The following EML6 variants were observed in gnomAD, a reference collection of about 807,000 sequenced individuals.
The protein encoded by EML6 is echinoderm microtubule-associated protein-like 6.
EML6 carries 154 observed loss-of-function variants against 240.1 expected under a neutral mutation model. The observed-to-expected ratio is 0.64, with a 90% CI of 0.56 to 0.73. EML6 has a LOEUF of 0.73. Among genes scored for constraint, EML6 ranks in the 30% least tolerant of loss-of-function variants. EML6 has a pLI of 0.00. For missense variants in EML6, 2,964 were observed against 2,474.6 expected (o/e 1.20, Z -4.20); for synonymous variants, 1,148 against 899.0 (o/e 1.28, Z -4.95).
intron 28 of EML6, among the ~76,000 whole-genome samples, chr2:54,946,526 A>C (rs756156693): frequency 7.2e-5 from 11 of 152,184 alleles, no homozygotes; most frequent in Non-Finnish European, 1.3e-4. Context: ...GAAAACTGTT[A>C]AACCTCCAGT....
intron 24 of EML6, among the ~76,000 whole-genome samples, chr2:54,905,782 A>T (rs13408207): frequency 1.3e-5 from 2 of 152,046 alleles, no homozygotes; most frequent in Non-Finnish European, 2.9e-5. Flanking sequence ...GGAAGCATAC[A>T]GTATTTGTCT....
chr2:54,969,292 C>G (rs1247974114), intron 41 of EML6, among the ~76,000 whole-genome samples: 1 of 152,176 alleles, frequency 6.6e-6, no homozygotes, highest in African/African-American at 2.4e-5. Flanking sequence ...ATACTGGGTT[C>G]TATTCAGCCC....
intron 32 of EML6, among the ~76,000 whole-genome samples, chr2:54,956,724 G>A (rs1221832650): frequency 1.3e-5 from 2 of 152,060 alleles, no homozygotes; most frequent in Non-Finnish European, 2.9e-5. Flanking sequence ...CACCATCATG[G>A]TACTAGAAAG....
In EML6 at chr2:54,853,753, A is replaced by G; in HGVS notation, c.1555A>G (p.Thr519Ala). 6.4e-7 allele frequency: 1 copy of G among 1,551,700 alleles called. No homozygotes were observed. The highest frequency in any genetic ancestry group is 1.2e-5 in the South Asian group (1 of 84,064). ...SGIWPKYTEV[T>A]DINSVDANYN... The stretch of plus-strand genomic sequence containing the variant: ...AATTTGGCCCAAATACACTGAGGTT[A>G]CTGACATCAACTCAGTGGATGCGAA... The change falls in exon 11 of 42, where the codon ACT becomes GCT. Residue 519 changes from threonine to alanine, a missense_variant. Transcript: ENST00000356458.
intron 17 of EML6, chr2:54,882,954 T>G (rs1193444911): frequency 2.0e-5 from 3 of 151,156 alleles, no homozygotes; most frequent in African/African-American, 7.3e-5. Flanking sequence ...ATTAGCTTCA[T>G]CGCTTGATCT....
At chr2:54,962,812 G>T (rs188779088) in intron 36 of EML6, 101 bp downstream of exon 36, 14 of 950,864 alleles carry the variant, frequency 1.5e-5, no homozygotes, top group Non-Finnish European at 1.9e-5. Context: ...CAGAGACGGG[G>T]ATGGGGCCAG....
In EML6 at chr2:54,911,024, TATA is replaced by T. The variant is rs1441515545; in HGVS notation, c.3485_3487del (p.Ile1162del). On this transcript the variant is annotated inframe_deletion, in exon 25 of 42. Coordinates refer to ENST00000356458, the MANE Select transcript of EML6 (RefSeq NM_001039753.4). ...TTGAAGCTCCAAGAGGCAAACGGCA[TATA>T]ATAAGACCTTCAGAGGTAATAATCA... 3 of 1,528,474 alleles carry T rather than the reference TATA, an allele frequency of 2.0e-6. No individual in the cohort carries two copies. Among genetic ancestry groups the T allele is most frequent in the African/African-American group, 2.7e-5 (2 of 72,832 alleles). The allele number at this position is 1,528,474 out of a possible 1,614,324, so 94.7% of individuals were successfully genotyped here. A position where few individuals can be genotyped will look rare whatever the true frequency, so the allele number is the denominator to read the frequency against.
Position 54,859,514 on chromosome 2 carries a change from C to T in EML6, c.1658-20C>T, listed in dbSNP as rs745614389. On this transcript the variant is annotated intron_variant, in intron 11 of 41. Transcript: ENST00000356458. The stretch of plus-strand genomic sequence containing the variant: ...CTCTTCTTTTTTCATAACTAATCCT[C>T]TCAAAAAATATTCTTTCAGGAGCCA... The T allele has an allele frequency of 6.5e-6, 10 of 1,544,646 alleles. No individual in the cohort carries two copies. Among genetic ancestry groups the T allele is most frequent in the Non-Finnish European group, 5.2e-6 (6 of 1,142,950 alleles).
At chr2:54,961,187 T>TTTTTTTTTTTTTTTTTTG (rs1676489117) in intron 35 of EML6, among the ~76,000 whole-genome samples, 1 of 5,318 alleles carries the variant, frequency 1.9e-4, no homozygotes, top group Non-Finnish European at 3.9e-4. Context: ...GGAAGTAGTT[T>TTTTTTTTTTTTTTTTTTG]TTTTTTTTTT....
Position 54,725,026 on chromosome 2 carries a change from C to CGCGGGGGG in EML6, c.-27_-20dup. ...AGCCTCGGCGAGGACGGCCCCGGCG[C>CGCGGGGGG]GCGGGGGGGCGGGGGGCGCGCGGGG... On this transcript the variant is annotated 5_prime_UTR_variant, in exon 2 of 42. Coordinates refer to ENST00000356458, the MANE Select transcript of EML6 (RefSeq NM_001039753.4). This position sits in a 1 kb window ranked among gnomAD's most constrained non-coding sequence, Gnocchi z 4.3. 6.8e-7 allele frequency: 1 copy of CGCGGGGGG among 1,466,970 alleles called. No individual in the cohort carries two copies. The highest frequency in any genetic ancestry group is 9.0e-7 in the Non-Finnish European group (1 of 1,109,964). The allele number at this position is 1,466,970 out of a possible 1,614,324, so 90.9% of individuals were successfully genotyped here. A position where few individuals can be genotyped will look rare whatever the true frequency, so the allele number is the denominator to read the frequency against.
At chr2:54,829,706 T>A (rs1668772994) in intron 7 of EML6, among the ~76,000 whole-genome samples, 1 of 152,236 alleles carries the variant, frequency 6.6e-6, no homozygotes, top group Non-Finnish European at 1.5e-5. Flanking sequence ...CTGATGAAGT[T>A]GCTGAGGTTT....
At chr2:54,800,728 C>T (rs1396834817) in intron 2 of EML6, among the ~76,000 whole-genome samples, 4 of 152,020 alleles carry the variant, frequency 2.6e-5, no homozygotes, top group South Asian at 2.1e-4. Context: ...TAGTAATTTT[C>T]GTGGTTCCCA....
At chr2:54,899,155 A>G (rs1672926833) in intron 21 of EML6, among the ~76,000 whole-genome samples, 1 of 152,200 alleles carries the variant, frequency 6.6e-6, no homozygotes, top group Non-Finnish European at 1.5e-5. Flanking sequence ...CTAAAATTGC[A>G]TAAATAATTA....
At chr2:54,951,970 A>G (rs1226707259) in intron 30 of EML6, among the ~76,000 whole-genome samples, 1 of 152,158 alleles carries the variant, frequency 6.6e-6, no homozygotes, top group South Asian at 2.1e-4. Context: ...AGTGGCTATT[A>G]TGGAAGTCAG....
chr2:54,814,111 A>G (rs1667978757), intron 3 of EML6, among the ~76,000 whole-genome samples: 2 of 152,256 alleles, frequency 1.3e-5, no homozygotes, highest in African/African-American at 4.8e-5. Context: ...CTCAATGAAT[A>G]AAGTCCACAC....
intron 10 of EML6, among the ~76,000 whole-genome samples, chr2:54,852,680 T>C (rs1301876866): frequency 1.3e-5 from 2 of 152,250 alleles, no homozygotes; most frequent in Non-Finnish European, 2.9e-5. Flanking sequence ...TAATGAAGTT[T>C]TACGTAATGC....
chr2:54,799,577 T>C (rs964227719), intron 2 of EML6, among the ~76,000 whole-genome samples: 7 of 152,106 alleles, frequency 4.6e-5, no homozygotes, highest in African/African-American at 1.7e-4. Context: ...TCTCCTGACC[T>C]CGTGATTCAC....
intron 26 of EML6, among the ~76,000 whole-genome samples, chr2:54,928,059 C>A (rs181939154): frequency 6.6e-6 from 1 of 152,204 alleles, no homozygotes; most frequent in African/African-American, 2.4e-5. Flanking sequence ...CTATAGATTC[C>A]CAGAAAATAG....
intron 26 of EML6, among the ~76,000 whole-genome samples, chr2:54,927,009 A>G (rs1199437984): frequency 1.3e-5 from 2 of 152,234 alleles, no homozygotes; most frequent in African/African-American, 2.4e-5. Flanking sequence ...TCCAGCTAGA[A>G]GACCAGCAGG....
Sources: allele counts gnomAD v4.1 joint callset (sites outside exome capture counted in the v4.1 genomes callset), GRCh38; gene constraint gnomAD v4.1.1; non-coding constraint Gnocchi (gnomAD v3.1); transcripts MANE v1.5; gene names NCBI Gene and HGNC (gene_info 2026-07-23, HGNC 2026-07-21).